Variants in FAM47C observed in about 807,000 individuals in gnomAD.
The protein encoded by FAM47C is family with sequence similarity 47 member C.
For synonymous variants in FAM47C, 307 were observed against 346.5 expected (o/e 0.89, Z 1.27); for missense variants, 847 against 879.9 (o/e 0.96, Z 0.47).
chrX:37,008,542 C>G lies in FAM47C; in HGVS notation c.132C>G (p.Asp44Glu), dbSNP rs781884015. 2 of 1,212,622 alleles carry G rather than the reference C, an allele frequency of 1.6e-6. No individual in the cohort carries two copies. Among genetic ancestry groups the G allele is most frequent in the African/African-American group, 3.4e-5 (2 of 58,086 alleles). ...KHRRLRFPPV[D>E]TQNWVFVTEG... is the part of the protein sequence containing the mutation. ...GGCGCCTGAGGTTCCCGCCTGTGGACACCCAGAACTGGGTATTTGTGACGG... is the reference window on the plus strand; with the variant it reads ...GGCGCCTGAGGTTCCCGCCTGTGGAGACCCAGAACTGGGTATTTGTGACGG... Residue 44 changes from aspartate to glutamate, a missense_variant, in exon 1 of 1, where the codon GAC (aspartate) becomes GAG (glutamate). Asp to Glu is a conservative substitution (Grantham distance 45, BLOSUM62 2). Transcript: ENST00000358047.
At position 37,009,926 on chromosome X, in the gene FAM47C, C is replaced by A; in HGVS notation, c.1516C>A (p.Arg506Ser). Residue 506 changes from arginine to serine, a missense_variant, in exon 1 of 1, where the codon CGC (arginine) becomes AGC (serine). Arg to Ser is a moderately radical substitution (Grantham distance 110). Transcript: ENST00000358047. ...TCTCTGCCCAGAGCCCCCCAAGACA[C>A]GCGTATCTCATCTCCGCCCAGAGCC... is the stretch of plus-strand genomic sequence containing the variant. ...SHLCPEPPKTRVSHLRPEPSE... is the reference protein window; with the variant it reads ...SHLCPEPPKTSVSHLRPEPSE... 2 of 1,204,386 alleles carry A rather than the reference C, an allele frequency of 1.7e-6. No individual in the cohort carries two copies. The highest frequency in any genetic ancestry group is 2.2e-6 in the Non-Finnish European group (2 of 892,682).
In FAM47C at chrX:37,011,377, G is replaced by C. The variant is rs781869760; in HGVS notation, c.2967G>C (p.Lys989Asn). ...PIAFKDFILSKGYEMPGIIQR... is the reference protein window; with the variant it reads ...PIAFKDFILSNGYEMPGIIQR... ...CCTTTAAGGATTTCATTCTAAGCAA[G>C]GGCTATGAAATGCCTGGCATCATTC... is the stretch of plus-strand genomic sequence containing the variant. The change falls in exon 1 of 1, where the codon AAG (lysine) becomes AAC (asparagine). Residue 989 changes from lysine to asparagine, a missense_variant. By Grantham distance (94) the Lys-to-Asn change is moderately conservative. Coordinates refer to ENST00000358047, the MANE Select transcript of FAM47C (RefSeq NM_001013736.3). 35 of 1,210,510 alleles carry C rather than the reference G, an allele frequency of 2.9e-5. No individual in the cohort carries two copies. The Middle Eastern group carries it at 6.9e-4, about 24-fold the overall frequency.
Position 37,010,685 on chromosome X carries a change from G to A in FAM47C, c.2275G>A (p.Val759Ile), listed in dbSNP as rs782157463. The change falls in exon 1 of 1, where the codon GTA (valine) becomes ATA (isoleucine). Residue 759 changes from valine to isoleucine, a missense_variant. Transcript: ENST00000358047. ...CCGCCCAGAGCCTCTTGAGACTCGC[G>A]TATCTCATCTCCGCCCGGAGCCTCC... The part of the protein sequence containing the change: ...SLRPEPLETR[V>I]SHLRPEPPET... 13 of 1,200,340 alleles carry A rather than the reference G, an allele frequency of 1.1e-5. No homozygotes were observed. The highest frequency in any genetic ancestry group is 3.0e-5 in the East Asian group (1 of 33,330).
At position 37,009,533 on chromosome X, in the gene FAM47C, G is replaced by T; in HGVS notation, c.1123G>T (p.Val375Leu). 1 of 1,209,055 alleles carries T rather than the reference G, an allele frequency of 8.3e-7. No individual in the cohort carries two copies. The highest frequency in any genetic ancestry group is 1.1e-6 in the Non-Finnish European group (1 of 894,471). ...CCGCCAGCTGCCTCCCGAGGCTGGAGTGTCCCATCTCTGCCCGGAACCTCC... is the reference window on the plus strand; with the variant it reads ...CCGCCAGCTGCCTCCCGAGGCTGGATTGTCCCATCTCTGCCCGGAACCTCC... The part of the protein sequence containing the change: ...PLRQLPPEAG[V>L]SHLCPEPPKT... The change falls in exon 1 of 1, where the codon GTG becomes TTG. Residue 375 changes from valine to leucine, a missense_variant. Physicochemically the swap from Val to Leu is conservative, Grantham distance 32. Coordinates refer to ENST00000358047, the MANE Select transcript of FAM47C (RefSeq NM_001013736.3).
Position 37,011,460 on chromosome X carries a change from G to C in FAM47C, c.3050G>C (p.Arg1017Pro). The C allele has an allele frequency of 8.3e-7, 1 of 1,208,100 alleles. No homozygotes were observed. The highest frequency in any genetic ancestry group is 1.1e-6 in the Non-Finnish European group (1 of 894,061). ...GACTCTGTTAAGACTCCTATTCAACGTGCAATGCAAGTTTACAAGTACAAA... is the reference window on the plus strand; with the variant it reads ...GACTCTGTTAAGACTCCTATTCAACCTGCAATGCAAGTTTACAAGTACAAA... ...TYDSVKTPIQ[R>P]AMQVYKYKED... The change falls in exon 1 of 1, where the codon CGT becomes CCT. Residue 1017 changes from arginine (R) to proline (P), a missense_variant. By Grantham distance (103) the Arg-to-Pro change is moderately radical (BLOSUM62 -2). Coordinates refer to ENST00000358047, the MANE Select transcript of FAM47C (RefSeq NM_001013736.3).
Position 37,008,419 on chromosome X carries a change from C to T in FAM47C, c.9C>T (p.Asp3=). 8.3e-7 allele frequency: 1 copy of T among 1,198,848 alleles called. No individual in the cohort carries two copies. Among genetic ancestry groups the T allele is most frequent in the Non-Finnish European group, 1.1e-6 (1 of 886,542 alleles). Residue 3 remains aspartate, a synonymous_variant, in exon 1 of 1, where the codon GAC becomes GAT. Transcript: ENST00000358047. ...CCCCAGCGAGGGCCACCATGGGGGA[C>T]CAGAGGCCGCAGGACCGGCCCAGTT... is the stretch of plus-strand genomic sequence containing the variant. MG[D]QRPQDRPSSP...
rs1187736970 is a variant in FAM47C at position 37,010,515 on chromosome X, T to G, written c.2105T>G (p.Leu702Arg). Reference protein sequence around the residue: ...PEPPETGVSRLHPEPPKTRVS... With the variant: ...PEPPETGVSRRHPEPPKTRVS... ...CCTCCTGAGACTGGAGTGTCCCGTC[T>G]CCACCCAGAGCCTCCCAAGACTCGG... The change falls in exon 1 of 1, where the codon CTC (leucine) becomes CGC (arginine). Residue 702 changes from leucine (L) to arginine (R), a missense_variant. By Grantham distance (102) the Leu-to-Arg change is moderately radical. Coordinates refer to ENST00000358047, the MANE Select transcript of FAM47C (RefSeq NM_001013736.3). 34 of 1,203,855 alleles carry G rather than the reference T, an allele frequency of 2.8e-5. No individual in the cohort carries two copies. The highest frequency in any genetic ancestry group is 8.8e-5 in the Admixed American group (4 of 45,222).
chrX:37,009,755 C>T lies in FAM47C; in HGVS notation c.1345C>T (p.His449Tyr). 8.3e-7 allele frequency: 1 copy of T among 1,207,931 alleles called. No individual in the cohort carries two copies. The highest frequency in any genetic ancestry group is 1.1e-6 in the Non-Finnish European group (1 of 894,024). ...RPEPPETGVS[H>Y]LRPEPPKTRV... ...GGAACCTCCTGAGACTGGAGTGTCC[C>T]ATCTCCGCCCAGAGCCTCCCAAGAC... The change falls in exon 1 of 1, where the codon CAT (histidine) becomes TAT (tyrosine). Residue 449 changes from histidine (H) to tyrosine (Y), a missense_variant. Coordinates refer to ENST00000358047, the MANE Select transcript of FAM47C (RefSeq NM_001013736.3).
At position 37,010,082 on chromosome X, in the gene FAM47C, C is replaced by T; in HGVS notation, c.1672C>T (p.Leu558Phe). 1 of 1,201,747 alleles carries T rather than the reference C, an allele frequency of 8.3e-7. No individual in the cohort carries two copies. Among genetic ancestry groups the T allele is most frequent in the Non-Finnish European group, 1.1e-6 (1 of 892,081 alleles). ...PEPPETGVSHLRPEPPKTRMY... is the reference protein window; with the variant it reads ...PEPPETGVSHFRPEPPKTRMY... ...GCCTCCTGAGACTGGAGTGTCCCAT[C>T]TCCGCCCAGAGCCTCCCAAGACTCG... The change falls in exon 1 of 1, where the codon CTC becomes TTC. Residue 558 changes from leucine to phenylalanine, a missense_variant. Leu to Phe is a conservative substitution (Grantham distance 22). Coordinates refer to ENST00000358047, the MANE Select transcript of FAM47C (RefSeq NM_001013736.3).
rs1556333145 is a variant in FAM47C at position 37,010,741 on chromosome X, G to A, written c.2331G>A (p.Glu777=). Residue 777 remains glutamate (E), a synonymous_variant, in exon 1 of 1, where the codon GAG becomes GAA. Coordinates refer to ENST00000358047, the MANE Select transcript of FAM47C (RefSeq NM_001013736.3). ...PETGVSHLHP[E]LPKPRVSSLH... ...CTGGAGTGTCCCATCTCCACCCAGA[G>A]CTTCCCAAGCCTCGGGTATCCAGTC... 1 of 1,210,760 alleles carries A rather than the reference G, an allele frequency of 8.3e-7. No homozygotes were observed. The highest frequency in any genetic ancestry group is 2.3e-4 in the Middle Eastern group (1 of 4,355).
Position 37,009,347 on chromosome X carries a change from T to C in FAM47C, c.937T>C (p.Ser313Pro). ...TGATCTCTGCCTGGAGCCTCCCAAG[T>C]CACGCGTATCTCATCTCCGCCCAGA... ...VPDLCLEPPK[S>P]RVSHLRPEPS... Residue 313 changes from serine to proline, a missense_variant, in exon 1 of 1, where the codon TCA becomes CCA. Physicochemically the swap from Ser to Pro is moderately conservative, Grantham distance 74. Coordinates refer to ENST00000358047, the MANE Select transcript of FAM47C (RefSeq NM_001013736.3). 1 of 1,162,648 alleles carries C rather than the reference T, an allele frequency of 8.6e-7. No individual in the cohort carries two copies. The highest frequency in any genetic ancestry group is 1.1e-6 in the Non-Finnish European group (1 of 872,475).
At position 37,008,930 on chromosome X, in the gene FAM47C, G is replaced by T. The variant is rs1556331572; in HGVS notation, c.520G>T (p.Glu174Ter). 1 of 1,211,401 alleles carries T rather than the reference G, an allele frequency of 8.3e-7. No individual in the cohort carries two copies. The highest frequency in any genetic ancestry group is 1.1e-6 in the Non-Finnish European group (1 of 895,229). Residue 174 changes from glutamate to a stop codon, truncating the protein, a stop_gained, in exon 1 of 1, where the codon GAA becomes TAA. Transcript: ENST00000358047. LOFTEE classifies it low-confidence loss of function (END_TRUNC). Reference protein sequence around the residue: ...SCEGQEKTTDEPTEPGKYPCG... With the variant: ...SCEGQEKTTD ...TGAGGGCCAGGAGAAGACAACTGAC[G>T]AACCCACGGAGCCTGGTAAATACCC...
chrX:37,011,402 C>G lies in FAM47C; in HGVS notation c.2992C>G (p.Gln998Glu). 2 of 1,212,016 alleles carry G rather than the reference C, an allele frequency of 1.7e-6. No individual in the cohort carries two copies. Among genetic ancestry groups the G allele is most frequent in the Non-Finnish European group, 2.2e-6 (2 of 895,534 alleles). The change falls in exon 1 of 1, where the codon CAA (glutamine) becomes GAA (glutamate). Residue 998 changes from glutamine to glutamate, a missense_variant. By Grantham distance (29) the Gln-to-Glu change is conservative (BLOSUM62 2). Coordinates refer to ENST00000358047, the MANE Select transcript of FAM47C (RefSeq NM_001013736.3). ...GGGCTATGAAATGCCTGGCATCATT[C>G]AAAGGCTGTTTGCCAGGAGGGGATG... ...SKGYEMPGII[Q>E]RLFARRGWTY...
chrX:37,010,902 G>A lies in FAM47C; in HGVS notation c.2492G>A (p.Gly831Asp), dbSNP rs200407931. 2.5e-4 allele frequency: 303 copies of A among 1,210,467 alleles called. 1 individual carries two copies. The highest frequency in any genetic ancestry group is 1.1e-3 in the South Asian group (61 of 56,787). Residue 831 changes from glycine to aspartate, a missense_variant, in exon 1 of 1, where the codon GGT becomes GAT. By Grantham distance (94) the Gly-to-Asp change is moderately conservative. Transcript: ENST00000358047. ...ASHLKELFQE[G>D]TSSTMECVSD... is the part of the protein sequence containing the mutation. ...CATCTAAAAGAACTGTTTCAGGAAGGTACATCAAGCACAATGGAGTGTGTT... is the reference window on the plus strand; with the variant it reads ...CATCTAAAAGAACTGTTTCAGGAAGATACATCAAGCACAATGGAGTGTGTT...
At position 37,009,879 on chromosome X, in the gene FAM47C, C is replaced by T. The variant is rs1178817933; in HGVS notation, c.1469C>T (p.Pro490Leu). 8.3e-6 allele frequency: 10 copies of T among 1,202,821 alleles called. No homozygotes were observed. The highest frequency in any genetic ancestry group is 9.0e-6 in the Non-Finnish European group (8 of 892,484). ...EKDVSHLRPEPPDTGVSHLCP... is the reference protein window; with the variant it reads ...EKDVSHLRPELPDTGVSHLCP... ...GACGTATCTCATCTCCGCCCAGAGC[C>T]TCCCGACACTGGAGTGTCCCATCTC... The change falls in exon 1 of 1, where the codon CCT (proline) becomes CTT (leucine). Residue 490 changes from proline to leucine, a missense_variant. Pro to Leu is a moderately conservative substitution (Grantham distance 98). Coordinates refer to ENST00000358047, the MANE Select transcript of FAM47C (RefSeq NM_001013736.3).
At position 37,008,586 on chromosome X, in the gene FAM47C, G is replaced by A. The variant is rs1927665225; in HGVS notation, c.176G>A (p.Arg59His). ...GTGACGGAGGGCATGGACGACTTCCGCTACGGCTGTCAGTCTCCTGAAGAT... is the reference window on the plus strand; with the variant it reads ...GTGACGGAGGGCATGGACGACTTCCACTACGGCTGTCAGTCTCCTGAAGAT... ...VFVTEGMDDFRYGCQSPEDTL... is the reference protein window; with the variant it reads ...VFVTEGMDDFHYGCQSPEDTL... The change falls in exon 1 of 1, where the codon CGC (arginine) becomes CAC (histidine). Residue 59 changes from arginine (R) to histidine (H), a missense_variant. Coordinates refer to ENST00000358047, the MANE Select transcript of FAM47C (RefSeq NM_001013736.3). The A allele has an allele frequency of 8.3e-7, 1 of 1,211,429 alleles. No homozygotes were observed. The highest frequency in any genetic ancestry group is 1.7e-5 in the African/African-American group (1 of 57,618).
In FAM47C at chrX:37,009,245, G is replaced by A. The variant is rs782639964; in HGVS notation, c.835G>A (p.Val279Met). Residue 279 changes from valine to methionine, a missense_variant, in exon 1 of 1, where the codon GTG becomes ATG. Transcript: ENST00000358047. The stretch of plus-strand genomic sequence containing the variant: ...CTACCTGGAGCCTCCTGGGACTGGA[G>A]TGTCTCATCTCTGCCCAGAGCCTCC... ...HLYLEPPGTG[V>M]SHLCPEPPKT... 1 of 1,210,645 alleles carries A rather than the reference G, an allele frequency of 8.3e-7. No homozygotes were observed.
rs782238628 is a variant in FAM47C, at chrX:37,008,768, G to C, written c.358G>C (p.Glu120Gln). 2.1e-5 allele frequency: 25 copies of C among 1,209,943 alleles called. No homozygotes were observed. The African/African-American group carries it at 2.4e-4, about 12-fold the overall frequency. The change falls in exon 1 of 1, where the codon GAA (glutamate) becomes CAA (glutamine). Residue 120 changes from glutamate (E) to glutamine (Q), a missense_variant. Physicochemically the swap from Glu to Gln is conservative, Grantham distance 29. Coordinates refer to ENST00000358047, the MANE Select transcript of FAM47C (RefSeq NM_001013736.3). ...AQPARKAFVE[E>Q]VEAQLMTKHP... is the part of the protein sequence containing the mutation. ...GCCAGCACGGAAGGCGTTCGTAGAG[G>C]AAGTGGAAGCCCAGCTGATGACCAA...
chrX:37,011,297 G>A lies in FAM47C; in HGVS notation c.2887G>A (p.Val963Ile). Reference sequence around the variant, plus strand: ...TGAACCTTTGATTGACCCCAAGCTCGTACTTGAAAAGCCTGATGAACCCGA... The same window carrying A: ...TGAACCTTTGATTGACCCCAAGCTCATACTTGAAAAGCCTGATGAACCCGA... ...SDEPLIDPKL[V>I]LEKPDEPDIL... Residue 963 changes from valine to isoleucine, a missense_variant, in exon 1 of 1, where the codon GTA becomes ATA. Transcript: ENST00000358047. 3.3e-6 allele frequency: 4 copies of A among 1,209,607 alleles called. No homozygotes were observed. Among genetic ancestry groups the A allele is most frequent in the South Asian group, 1.8e-5 (1 of 56,408 alleles).
Sources: gnomAD v4.1 joint callset for allele counts on GRCh38, gnomAD v4.1.1 for gene constraint, MANE v1.5 for transcripts, NCBI Gene and HGNC (gene_info 2026-07-23, HGNC 2026-07-21) for gene names.